The following CCSER1 variants were observed in gnomAD, a reference collection of about 807,000 sequenced individuals.
CCSER1 encodes serine-rich coiled-coil domain-containing protein 1.
A neutral mutation model predicts 82.0 loss-of-function variants in CCSER1; 41 were observed. The ratio of observed to expected loss-of-function variants is 0.50; its 90% confidence interval spans 0.39 to 0.65. CCSER1 has a LOEUF of 0.65. Ranked by LOEUF, CCSER1 falls within the 30% of genes least tolerant of loss-of-function variation. CCSER1 has a pLI of 0.00. For synonymous variants in CCSER1, 414 were observed against 383.9 expected (o/e 1.08, Z -0.92); for missense variants, 1,119 against 1,064.2 (o/e 1.05, Z -0.72).
chr4:90,567,236 C>T (rs536426187), intron 5 of CCSER1, among the ~76,000 whole-genome samples: 1 of 151,444 alleles, frequency 6.6e-6, no homozygotes, highest in South Asian at 2.1e-4. Flanking sequence ...TATAAACTTC[C>T]CCTTTTGAAC....
chr4:91,568,428 T>C (rs909583179), intron 10 of CCSER1, among the ~76,000 whole-genome samples: 28 of 152,188 alleles, frequency 1.8e-4, no homozygotes, highest in Non-Finnish European at 4.0e-4. Flanking sequence ...ATGGACGATA[T>C]CCTGAATTAT....
At chr4:91,316,151 C>A (rs1212636632) in intron 10 of CCSER1, among the ~76,000 whole-genome samples, 1 of 151,922 alleles carries the variant, frequency 6.6e-6, no homozygotes, top group East Asian at 1.9e-4. Context: ...GCCTCCCCAG[C>A]CATATGGAAG....
chr4:91,297,072 G>A (rs1744236944), intron 10 of CCSER1, among the ~76,000 whole-genome samples: 1 of 151,692 alleles, frequency 6.6e-6, no homozygotes. Context: ...ACAAAATTAA[G>A]CAAAGAATGT....
intron 10 of CCSER1, among the ~76,000 whole-genome samples, chr4:91,487,508 G>T (rs1245426380): frequency 6.6e-6 from 1 of 152,164 alleles, no homozygotes; most frequent in Non-Finnish European, 1.5e-5. Flanking sequence ...GGAACAGGTA[G>T]TAAGTCAGGA....
chr4:91,219,381 C>T (rs375465557), intron 10 of CCSER1, among the ~76,000 whole-genome samples: 22 of 140,252 alleles, frequency 1.6e-4, no homozygotes, highest in African/African-American at 4.3e-4. Flanking sequence ...GGTGCAATCT[C>T]GGCTCACTGC....
intron 6 of CCSER1, among the ~76,000 whole-genome samples, chr4:90,672,928 C>T (rs528380819): frequency 6.6e-6 from 1 of 152,028 alleles, no homozygotes; most frequent in East Asian, 1.9e-4. Flanking sequence ...TTTTATGTGG[C>T]TGTGGTGTGT....
chr4:91,056,635 C>CAG (rs1372067376), intron 9 of CCSER1, among the ~76,000 whole-genome samples: 1 of 152,126 alleles, frequency 6.6e-6, no homozygotes, highest in African/African-American at 2.4e-5. Context: ...TGGAGACATT[C>CAG]AGATCATAGC....
intron 10 of CCSER1, among the ~76,000 whole-genome samples, chr4:91,588,338 T>C (rs1764108471): frequency 6.6e-6 from 1 of 151,690 alleles, no homozygotes; most frequent in Non-Finnish European, 1.5e-5. Flanking sequence ...AAAAAAGTGG[T>C]TGGCTATTTG....
At chr4:90,945,671 C>T (rs988167208) in intron 9 of CCSER1, among the ~76,000 whole-genome samples, 4 of 152,156 alleles carry the variant, frequency 2.6e-5, no homozygotes, top group Admixed American at 6.5e-5. Context: ...GTGCCCGAAC[C>T]GCTAATGCTA....
intron 10 of CCSER1, among the ~76,000 whole-genome samples, chr4:91,283,131 G>T (rs1303197839): frequency 2.0e-5 from 3 of 151,956 alleles, no homozygotes; most frequent in Non-Finnish European, 4.4e-5. Context: ...TTCTGTGACA[G>T]AGGTCATTGC....
intron 9 of CCSER1, chr4:91,017,166 A>C (rs908404980): frequency 2.6e-5 from 4 of 152,198 alleles, no homozygotes; most frequent in Non-Finnish European, 5.9e-5. Flanking sequence ...AGTGAAAACG[A>C]AGTAAGATCA....
chr4:91,382,804 T>C (rs990567906), intron 10 of CCSER1, among the ~76,000 whole-genome samples: 1 of 152,154 alleles, frequency 6.6e-6, no homozygotes, highest in Non-Finnish European at 1.5e-5. Flanking sequence ...TCGCTCATGC[T>C]GGGAGCTGTA....
chr4:90,168,487 C>A (rs1730957497), intron 1 of CCSER1, among the ~76,000 whole-genome samples: 1 of 152,082 alleles, frequency 6.6e-6, no homozygotes, highest in African/African-American at 2.4e-5. Flanking sequence ...TAATTAGATC[C>A]CATTTGTCCA....
chr4:91,021,455 A>G (rs918131107), intron 9 of CCSER1, among the ~76,000 whole-genome samples: 3 of 152,226 alleles, frequency 2.0e-5, no homozygotes, highest in African/African-American at 7.2e-5. Flanking sequence ...ACTTTGATTT[A>G]AAAATAGTTT....
At chr4:91,309,242 T>G (rs80103929) in intron 10 of CCSER1, among the ~76,000 whole-genome samples, 3,009 of 152,186 alleles carry the variant, frequency 0.02, 87 homozygotes, top group African/African-American at 0.067. Context: ...ATTGGCTTAC[T>G]ATTCTTTTCC....
At chr4:90,936,808 C>G (rs1400839121) in intron 9 of CCSER1, among the ~76,000 whole-genome samples, 2 of 152,114 alleles carry the variant, frequency 1.3e-5, no homozygotes, top group African/African-American at 2.4e-5. Context: ...CAGGCATCTT[C>G]TTAATGTTTA....
Position 90,655,990 on chromosome 4 carries a change from T to C in CCSER1, c.1932+27758T>C, listed in dbSNP as rs377071181. ...TTGGCTTTTTCTTTTACTAACATGC[T>C]GCTTCTCCAAGTAGAGAATAATTTA... On this transcript the variant is annotated intron_variant, in intron 6 of 10. Transcript: ENST00000509176. Among the ~76,000 whole-genome samples the C allele has an allele frequency of 2.0e-5, 3 of 151,998 alleles. No individual in the cohort carries two copies. The East Asian group carries it at 5.8e-4, about 29-fold the overall frequency.
At chr4:90,957,545 AATTAT>A (rs1179432766) in intron 9 of CCSER1, among the ~76,000 whole-genome samples, 5 of 121,550 alleles carry the variant, frequency 4.1e-5, no homozygotes, top group South Asian at 2.2e-4. Flanking sequence ...TATATTATAT[AATTAT>A]ATTATATATA....
intron 5 of CCSER1, among the ~76,000 whole-genome samples, chr4:90,610,292 TAAATAAATA>T (rs1217354704): frequency 6.7e-6 from 1 of 149,824 alleles, no homozygotes; most frequent in Non-Finnish European, 1.5e-5. Context: ...AATAAATAAA[TAAATAAATA>T]AAATGTGATT....
Sources: allele counts gnomAD v4.1 joint callset (sites outside exome capture counted in the v4.1 genomes callset), GRCh38; gene constraint gnomAD v4.1.1; transcripts MANE v1.5; gene names NCBI Gene and HGNC (gene_info 2026-07-23, HGNC 2026-07-21).